LTBP1: variants seen among roughly 807,000 people sequenced by gnomAD.
LTBP1 encodes the protein latent transforming growth factor beta binding protein 1.
A neutral mutation model predicts 207.6 loss-of-function variants in LTBP1; 129 were observed. The ratio of observed to expected loss-of-function variants is 0.62; its 90% CI spans 0.54 to 0.72. LTBP1 has a LOEUF of 0.72. LTBP1 is among the 30% of genes least tolerant of loss of function. The pLI, the probability that LTBP1 is intolerant of heterozygous loss-of-function variation, is 0.00. For missense variants in LTBP1, 2,281 were observed against 2,217.2 expected, an observed-to-expected ratio of 1.03 and a Z score of -0.58; for synonymous variants, 963 against 833.7, an observed-to-expected ratio of 1.16 and a Z score of -2.67.
intron 4 of LTBP1, among the ~76,000 whole-genome samples, chr2:33,122,753 C>T (rs1330062954): frequency 2.0e-5 from 3 of 152,154 alleles, no homozygotes; most frequent in South Asian, 2.1e-4. Context: ...GGATTCTGAA[C>T]ATCTTTTCAG....
chr2:33,362,723 T>C (rs2094940676), intron 28 of LTBP1, among the ~76,000 whole-genome samples: 1 of 152,208 alleles, frequency 6.6e-6, no homozygotes, highest in Non-Finnish European at 1.5e-5. Context: ...CTAGAACTAA[T>C]GCTAATAATA....
chr2:33,375,822 G>T (rs2095133288), intron 31 of LTBP1, among the ~76,000 whole-genome samples: 1 of 151,262 alleles, frequency 6.6e-6, no homozygotes, highest in Non-Finnish European at 1.5e-5. Context: ...GATTACAGGT[G>T]TCAGCCACTG....
chr2:33,252,304 T>C (rs887574059), intron 10 of LTBP1, among the ~76,000 whole-genome samples: 4 of 152,220 alleles, frequency 2.6e-5, no homozygotes, highest in African/African-American at 9.6e-5. Flanking sequence ...CCTAGAGTTA[T>C]CTCTACTGTG....
chr2:33,241,787 C>T (rs180864732), intron 9 of LTBP1, among the ~76,000 whole-genome samples: 7 of 152,342 alleles, frequency 4.6e-5, no homozygotes, highest in Admixed American at 1.3e-4. Context: ...TAGGGCTTCA[C>T]TTGTACCGTG....
At chr2:33,377,081 G>T (rs73929411) in intron 31 of LTBP1, among the ~76,000 whole-genome samples, 3,520 of 152,248 alleles carry the variant, frequency 0.023, 103 homozygotes, top group African/African-American at 0.065. Context: ...ATGGTTTGCC[G>T]CAAGGTGAGA....
At chr2:33,361,622 A>T in intron 28 of LTBP1, 107 bp downstream of exon 28, 1 of 722,992 alleles carries the variant, frequency 1.4e-6, no homozygotes, top group Non-Finnish European at 2.3e-6. Flanking sequence ...TTAGTCATGA[A>T]AACTGATTAC....
chr2:33,059,790 A>G (rs957348583), intron 3 of LTBP1, among the ~76,000 whole-genome samples: 5 of 152,230 alleles, frequency 3.3e-5, no homozygotes, highest in Admixed American at 2.0e-4. Flanking sequence ...TGAAATTTTG[A>G]GCATAAAAGC....
chr2:33,253,881 C>CTTTTT (rs61042956), intron 11 of LTBP1, among the ~76,000 whole-genome samples: 4 of 101,700 alleles, frequency 3.9e-5, no homozygotes, highest in African/African-American at 8.9e-5. Context: ...ATCTGATGCA[C>CTTTTT]TTTTTTTTTT....
chr2:33,320,106 A>G (rs1483533400), intron 24 of LTBP1, among the ~76,000 whole-genome samples: 1 of 152,132 alleles, frequency 6.6e-6, no homozygotes, highest in African/African-American at 2.4e-5. Context: ...GGTAGCTCAC[A>G]CCTGTGATCC....
chr2:33,155,255 A>G lies in LTBP1; in HGVS notation c.1201+20295A>G, dbSNP rs113667104. On this transcript the variant is annotated intron_variant, in intron 5 of 33. Transcript: ENST00000404816. ...TAATTTTTGTATTTTTAGAAGAGAT[A>G]CGGTTTCACCATATTGGCCAGGCTA... Among the ~76,000 whole-genome samples, 4 of 152,172 alleles carry G rather than the reference A, an allele frequency of 2.6e-5. 1 individual carries two copies. The highest frequency in any genetic ancestry group is 9.6e-5 in the African/African-American group (4 of 41,526).
intron 2 of LTBP1, among the ~76,000 whole-genome samples, chr2:32,987,449 C>T (rs1390786421): frequency 3.3e-5 from 5 of 152,036 alleles, no homozygotes; most frequent in African/African-American, 1.2e-4. Flanking sequence ...TTTAGGAATT[C>T]TCGTAGTTAG....
chr2:33,039,587 A>G (rs2076087754), intron 3 of LTBP1, among the ~76,000 whole-genome samples: 1 of 152,264 alleles, frequency 6.6e-6, no homozygotes, highest in African/African-American at 2.4e-5. Context: ...TGTAACCAAA[A>G]TTAAAATCAA....
chr2:33,243,785 G>A lies in LTBP1; in HGVS notation c.1999+1G>A, dbSNP rs113128613. 6 of 1,613,598 alleles carry A rather than the reference G, an allele frequency of 3.7e-6. No homozygotes were observed. The African/African-American group carries it at 4.0e-5, about 11-fold the overall frequency. On this transcript the variant is annotated splice_donor_variant, in intron 10 of 33. Transcript: ENST00000404816. LOFTEE classifies it high-confidence loss of function. ...GATCCTACCTTTTCAAGTTGTGTTCGTAAGTAATAATCACTTTTTATTCCT... is the reference window on the plus strand; with the variant it reads ...GATCCTACCTTTTCAAGTTGTGTTCATAAGTAATAATCACTTTTTATTCCT...
intron 5 of LTBP1, among the ~76,000 whole-genome samples, chr2:33,171,947 A>G (rs1194505901): frequency 1.3e-5 from 2 of 152,176 alleles, no homozygotes; most frequent in African/African-American, 2.4e-5. Context: ...CTTTACAGAC[A>G]AGCAAATGCT....
chr2:33,235,461 T>C (rs1040991381), intron 9 of LTBP1, among the ~76,000 whole-genome samples: 1 of 152,182 alleles, frequency 6.6e-6, no homozygotes, highest in Admixed American at 6.5e-5. Flanking sequence ...GGTGGGAGTG[T>C]AAATTAGTTC....
intron 32 of LTBP1, among the ~76,000 whole-genome samples, chr2:33,392,183 A>AG (rs1553321287): frequency 2.7e-5 from 4 of 148,278 alleles, no homozygotes; most frequent in African/African-American, 9.9e-5. Flanking sequence ...GCCAGGTAGT[A>AG]TTTTTTTTTT....
chr2:33,342,819 T>C lies in LTBP1; in HGVS notation c.3731-19T>C. On this transcript the variant is annotated intron_variant, in intron 24 of 33. Transcript: ENST00000404816. ...GCCTGTGTTTGTTTTGTGTCTGATG[T>C]TCCATGTCTTTTTTGCAGATATTGA... 2 of 1,611,976 alleles carry C rather than the reference T, an allele frequency of 1.2e-6. No individual in the cohort carries two copies. The highest frequency in any genetic ancestry group is 1.7e-6 in the Non-Finnish European group (2 of 1,178,432).
At chr2:33,046,426 G>T (rs957725808) in intron 3 of LTBP1, among the ~76,000 whole-genome samples, 5 of 152,178 alleles carry the variant, frequency 3.3e-5, no homozygotes, top group Non-Finnish European at 7.3e-5. Context: ...TTATTGATTT[G>T]CATATGTTGA....
chr2:33,201,011 A>G (rs1558803354), intron 7 of LTBP1, among the ~76,000 whole-genome samples: 3 of 152,222 alleles, frequency 2.0e-5, no homozygotes, highest in Admixed American at 1.3e-4. Context: ...AATTAGGTAC[A>G]CTTTTACACT....
Sources: gnomAD v4.1 joint callset for allele counts (sites outside exome capture counted in the v4.1 genomes callset) on GRCh38, gnomAD v4.1.1 for gene constraint, MANE v1.5 for transcripts, NCBI Gene and HGNC (gene_info 2026-07-23, HGNC 2026-07-21) for gene names.